The following SYNE1 variants were observed in gnomAD, a reference collection of about 807,000 sequenced individuals.
The protein encoded by SYNE1 is nesprin-1.
SYNE1 carries 616 observed loss-of-function variants against 1,111.0 expected under a neutral mutation model. The ratio of observed to expected loss-of-function variants is 0.55; its 90% CI spans 0.52 to 0.59. The LOEUF (loss-of-function observed/expected upper bound fraction) is 0.59. SYNE1 is among the 20% of genes least tolerant of loss of function. The pLI, the probability that SYNE1 is intolerant of heterozygous loss-of-function variation, is 0.00. For missense variants in SYNE1, 10,006 were observed against 10,417.0 expected, an observed-to-expected ratio of 0.96 and a Z score of 1.72; for synonymous variants, 3,855 against 3,825.8, an observed-to-expected ratio of 1.01 and a Z score of -0.28.
intron 3 of SYNE1, among the ~76,000 whole-genome samples, chr6:152,581,643 G>A: frequency 6.6e-6 from 1 of 152,034 alleles, no homozygotes; most frequent in East Asian, 1.9e-4. Context: ...TCCCTTTCCA[G>A]TTTTAGTGCA....
At chr6:152,365,163 G>C in intron 62 of SYNE1, 144 bp from the exon 63 acceptor site, 1 of 1,021,880 alleles carries the variant, frequency 9.8e-7, no homozygotes, top group Non-Finnish European at 1.4e-6. Flanking sequence ...CAGAGGGTGG[G>C]GAAGTGGCTT....
At chr6:152,536,421 A>C in intron 4 of SYNE1, among the ~76,000 whole-genome samples, 1 of 134,206 alleles carries the variant, frequency 7.5e-6, no homozygotes, top group Non-Finnish European at 1.5e-5. Context: ...TAATATATAT[A>C]TTTATATATA....
intron 3 of SYNE1, 132 bp downstream of exon 3, chr6:152,628,133 C>A: frequency 4.6e-6 from 4 of 877,240 alleles, no homozygotes; most frequent in Non-Finnish European, 7.4e-6. Context: ...TTTGAAAACA[C>A]TGGAATAAAG....
chr6:152,630,437 C>A (rs2099696131), intron 2 of SYNE1, among the ~76,000 whole-genome samples: 1 of 152,138 alleles, frequency 6.6e-6, no homozygotes, highest in Admixed American at 6.5e-5. Flanking sequence ...ACATACATAC[C>A]TATAGCCCTG....
intron 4 of SYNE1, among the ~76,000 whole-genome samples, chr6:152,539,238 A>G (rs2099258344): frequency 6.6e-6 from 1 of 152,220 alleles, no homozygotes; most frequent in East Asian, 1.9e-4. Flanking sequence ...TCCTTTAAAA[A>G]TTATCAGCAA....
intron 69 of SYNE1, among the ~76,000 whole-genome samples, chr6:152,352,968 C>T (rs2096768158): frequency 6.6e-6 from 1 of 152,092 alleles, no homozygotes; most frequent in South Asian, 2.1e-4. Context: ...AAGCACTGGG[C>T]CATTAATTTG....
chr6:152,430,387 T>G, intron 35 of SYNE1, 95 bp downstream of exon 35: 1 of 1,248,410 alleles, frequency 8.0e-7, no homozygotes. Flanking sequence ...AATTATGTCT[T>G]TCTCTTATTC....
intron 116 of SYNE1, among the ~76,000 whole-genome samples, chr6:152,224,978 T>C (rs2081191141): frequency 6.8e-6 from 1 of 147,656 alleles, no homozygotes; most frequent in South Asian, 2.1e-4. Context: ...TATACATATA[T>C]GTATATATAT....
In SYNE1 at chr6:152,441,114, A is replaced by G; in HGVS notation, c.4149+16T>C. 6.2e-7 allele frequency: 1 copy of G among 1,613,076 alleles called. No homozygotes were observed. The highest frequency in any genetic ancestry group is 8.5e-7 in the Non-Finnish European group (1 of 1,179,868). On this transcript the variant is annotated intron_variant, in intron 32 of 145. Transcript: ENST00000367255. ...TGTTTTTTCTGAATATTGGGTACCA[A>G]GGAGCCATAATATACCTTTGTTTGT...
chr6:152,201,733 G>C (rs1172700432), intron 127 of SYNE1, 91 bp downstream of exon 127: 3 of 1,590,862 alleles, frequency 1.9e-6, no homozygotes, highest in African/African-American at 2.7e-5. Context: ...TCTGCATGTA[G>C]ATAACCTAAG....
At chr6:152,151,854 C>T (rs2060478537) in intron 134 of SYNE1, 105 bp downstream of exon 134, 1 of 1,499,936 alleles carries the variant, frequency 6.7e-7, no homozygotes, top group Non-Finnish European at 9.1e-7. Flanking sequence ...ACTCCTCCTG[C>T]CATCCCATTC....
intron 16 of SYNE1, among the ~76,000 whole-genome samples, chr6:152,467,627 T>C (rs1166805042): frequency 6.6e-6 from 1 of 152,074 alleles, no homozygotes; most frequent in Non-Finnish European, 1.5e-5. Context: ...TAATTAAAAA[T>C]GAACAAGTGA....
Position 152,399,657 on chromosome 6 carries a change from G to A in SYNE1, c.7196C>T (p.Thr2399Ile). Reference protein sequence around the residue: ...HEAVSQLCSKTQASLQESLEK... With the variant: ...HEAVSQLCSKIQASLQESLEK... ...CAGAGATTCCTGCAGGCTGGCCTGGGTTTTGGAGCACAACTGGCTCACGGC... is the reference window on the plus strand; with the variant it reads ...CAGAGATTCCTGCAGGCTGGCCTGGATTTTGGAGCACAACTGGCTCACGGC... Residue 2399 changes from threonine to isoleucine, a missense_variant, in exon 48 of 146, where the codon ACC (threonine) becomes ATC (isoleucine). Coordinates refer to ENST00000367255, the MANE Select transcript of SYNE1 (RefSeq NM_182961.4). 1 of 1,614,116 alleles carries A rather than the reference G, an allele frequency of 6.2e-7. No individual in the cohort carries two copies. Among genetic ancestry groups the A allele is most frequent in the Non-Finnish European group, 8.5e-7 (1 of 1,180,012 alleles).
At chr6:152,383,927 T>G (rs1275574640) in intron 55 of SYNE1, among the ~76,000 whole-genome samples, 2 of 152,204 alleles carry the variant, frequency 1.3e-5, no homozygotes. Context: ...CCTCAGGTGG[T>G]AATAGTCCTG....
intron 8 of SYNE1, among the ~76,000 whole-genome samples, chr6:152,508,419 C>T (rs1337677266): frequency 6.6e-6 from 1 of 152,190 alleles, no homozygotes. Flanking sequence ...TGAGCTGTCA[C>T]CAGACTCTTG....
chr6:152,373,923 T>TAA (rs2097233108), intron 58 of SYNE1, among the ~76,000 whole-genome samples: 2 of 152,050 alleles, frequency 1.3e-5, no homozygotes, highest in East Asian at 3.9e-4. Flanking sequence ...AGTGAAAGAG[T>TAA]AAACACAACC....
chr6:152,319,390 T>C (rs9397095), intron 84 of SYNE1, among the ~76,000 whole-genome samples: 88,853 of 152,072 alleles, frequency 0.58, 26,332 homozygotes, highest in African/African-American at 0.65. Context: ...CTTCATAAGA[T>C]GGAAAATCCT....
intron 95 of SYNE1, 56 bp from the exon 96 acceptor site, chr6:152,284,228 A>G (rs756065170): frequency 1.3e-6 from 2 of 1,566,812 alleles, no homozygotes; most frequent in South Asian, 2.3e-5. Context: ...CTGAGGGATC[A>G]TTAGCACTAG....
intron 62 of SYNE1, chr6:152,366,922 AT>A (rs1430920860): frequency 1.8e-6 from 1 of 542,446 alleles, no homozygotes; most frequent in Non-Finnish European, 3.5e-6. Context: ...TCCTCAAAAT[AT>A]TTTCCCATAA....
Sources: gnomAD v4.1 joint callset for allele counts (sites outside exome capture counted in the v4.1 genomes callset) on GRCh38, gnomAD v4.1.1 for gene constraint, MANE v1.5 for transcripts, NCBI Gene and HGNC (gene_info 2026-07-23, HGNC 2026-07-21) for gene names.